Variants in ZCCHC4 observed in about 807,000 individuals in gnomAD.
ZCCHC4 encodes the protein zinc finger CCHC-type containing 4.
In ZCCHC4, 54 loss-of-function variants were observed where a neutral mutation model predicts 67.7. The observed-to-expected ratio is 0.80, with a 90% CI of 0.64 to 1.00. ZCCHC4 has a LOEUF of 1.00. ZCCHC4 is among the 50% of genes least tolerant of loss of function. The pLI is 0.00. For missense variants in ZCCHC4, 609 were observed against 617.0 expected, an observed-to-expected ratio of 0.99 and a Z score of 0.14; for synonymous variants, 198 against 213.5, an observed-to-expected ratio of 0.93 and a Z score of 0.63.
At chr4:25,352,377 G>A (rs1720341837) in intron 8 of ZCCHC4, 3 of 984,826 alleles carry the variant, frequency 3.0e-6, no homozygotes, top group African/African-American at 1.7e-5. Flanking sequence ...CCCTGTTGTC[G>A]CCATCACTGT....
chr4:25,360,009 C>T (rs1368981832), intron 8 of ZCCHC4, among the ~76,000 whole-genome samples: 5 of 152,188 alleles, frequency 3.3e-5, no homozygotes, highest in South Asian at 2.1e-4. Context: ...CCGTCTATCA[C>T]GGACTTGATG....
In ZCCHC4 at chr4:25,312,830, G is replaced by C. The variant is rs778033032; in HGVS notation, c.21G>C (p.Gly7=). The change falls in exon 1 of 13, where the codon GGG becomes GGC. Residue 7 remains glycine (G), a synonymous_variant. Transcript: ENST00000302874. The part of the protein sequence containing the change: MAASRN[G]FEAVEAEGSA... ...GGAAGATGGCGGCCTCCAGGAATGG[G>C]TTTGAAGCCGTGGAGGCAGAGGGCA... The C allele has an allele frequency of 1.2e-6, 2 of 1,613,216 alleles. No homozygotes were observed. Among genetic ancestry groups the C allele is most frequent in the African/African-American group, 2.7e-5 (2 of 74,914 alleles).
At chr4:25,366,005 C>CATTATATGAA (rs57911654) in intron 12 of ZCCHC4, 237,316 of 971,914 alleles carry the variant, frequency 0.24, 32,421 homozygotes, top group African/African-American at 0.55. Context: ...AATTATATGA[C>CATTATATGAA]ATTATATGAA....
intron 5 of ZCCHC4, among the ~76,000 whole-genome samples, chr4:25,344,041 G>T (rs1052626592): frequency 6.6e-6 from 1 of 152,074 alleles, no homozygotes; most frequent in Non-Finnish European, 1.5e-5. Flanking sequence ...AATCAGCAAC[G>T]CAGACATTAA....
intron 3 of ZCCHC4, among the ~76,000 whole-genome samples, chr4:25,322,857 G>T (rs1014080455): frequency 2.0e-5 from 3 of 152,124 alleles, no homozygotes; most frequent in African/African-American, 7.2e-5. Flanking sequence ...TATGGTACCT[G>T]AATTGTATCT....
At chr4:25,361,191 C>T (rs1720720206) in intron 8 of ZCCHC4, among the ~76,000 whole-genome samples, 1 of 152,214 alleles carries the variant, frequency 6.6e-6, no homozygotes, top group Admixed American at 6.5e-5. Flanking sequence ...GAACAAAAAC[C>T]TGGCTTAATG....
chr4:25,314,630 T>C (rs1281189914), intron 2 of ZCCHC4, among the ~76,000 whole-genome samples: 5 of 152,182 alleles, frequency 3.3e-5, no homozygotes, highest in African/African-American at 1.2e-4. Flanking sequence ...AAGCAAGCAC[T>C]GTCTGTCTTA....
In ZCCHC4 at chr4:25,312,833, T is replaced by A; in HGVS notation, c.24T>A (p.Phe8Leu). MAASRNGFEAVEAEGSAG... is the reference protein window; with the variant it reads MAASRNGLEAVEAEGSAG... ...AGATGGCGGCCTCCAGGAATGGGTT[T>A]GAAGCCGTGGAGGCAGAGGGCAGCG... The change falls in exon 1 of 13, where the codon TTT becomes TTA. Residue 8 changes from phenylalanine (F) to leucine (L), a missense_variant. Transcript: ENST00000302874. The A allele has an allele frequency of 6.2e-7, 1 of 1,613,248 alleles. No homozygotes were observed. The highest frequency in any genetic ancestry group is 8.5e-7 in the Non-Finnish European group (1 of 1,180,010).
chr4:25,351,999 TTCA>T, intron 8 of ZCCHC4: 1 of 1,033,514 alleles, frequency 9.7e-7, no homozygotes, highest in Non-Finnish European at 1.2e-6. Context: ...GATTTAGTCT[TTCA>T]TCATCACTAG....
intron 8 of ZCCHC4, among the ~76,000 whole-genome samples, chr4:25,358,405 C>T (rs1720595638): frequency 6.6e-6 from 1 of 152,192 alleles, no homozygotes; most frequent in Admixed American, 6.5e-5. Context: ...GAGCACACAT[C>T]TTCAAAGACT....
intron 3 of ZCCHC4, among the ~76,000 whole-genome samples, chr4:25,330,623 A>G (rs1294011807): frequency 6.6e-6 from 1 of 152,154 alleles, no homozygotes; most frequent in African/African-American, 2.4e-5. Flanking sequence ...CCTTTACAGA[A>G]AGTTTGCTGA....
Position 25,359,519 on chromosome 4 carries a change from A to G in ZCCHC4, c.1012-2340A>G, listed in dbSNP as rs2109090160. Among the ~76,000 whole-genome samples the G allele has an allele frequency of 6.6e-6, 1 of 152,286 alleles. No homozygotes were observed. The highest frequency in any genetic ancestry group is 1.9e-4 in the East Asian group (1 of 5,164). On this transcript the variant is annotated intron_variant, in intron 8 of 12. Transcript: ENST00000302874. The surrounding 1 kb of genome is among the most constrained non-coding windows in gnomAD (Gnocchi z 4.9). ...ACCGCCACCTGGTCTGATACCAAGG[A>G]GGCTGTTGGCGGGATCAAGGGGTCC...
chr4:25,342,223 G>C (rs550433853), intron 5 of ZCCHC4, among the ~76,000 whole-genome samples: 3 of 152,132 alleles, frequency 2.0e-5, no homozygotes, highest in Non-Finnish European at 4.4e-5. Context: ...GCATGACGGA[G>C]TGTGTGGTTG....
intron 5 of ZCCHC4, among the ~76,000 whole-genome samples, chr4:25,335,199 C>G (rs1293848988): frequency 6.6e-6 from 1 of 152,132 alleles, no homozygotes. Context: ...ATAATCCCGG[C>G]ACTTTGGGAG....
chr4:25,327,717 GC>G (rs1718963340), intron 3 of ZCCHC4, among the ~76,000 whole-genome samples: 1 of 152,128 alleles, frequency 6.6e-6, no homozygotes, highest in African/African-American at 2.4e-5. Context: ...CTGGGCTCAA[GC>G]CGTCCTCCTG....
chr4:25,335,819 ACT>A (rs1290152231), intron 5 of ZCCHC4, among the ~76,000 whole-genome samples: 1 of 151,896 alleles, frequency 6.6e-6, no homozygotes, highest in African/African-American at 2.4e-5. Context: ...TTCTGAGTCA[ACT>A]CTAAGTTGTC....
intron 3 of ZCCHC4, among the ~76,000 whole-genome samples, chr4:25,325,025 C>T (rs75852011): frequency 0.077 from 11,732 of 151,740 alleles, 511 homozygotes; most frequent in South Asian, 0.11. Flanking sequence ...GGGTGGATCA[C>T]GAGGTCAGGA....
At chr4:25,318,604 C>A (rs903393363) in intron 3 of ZCCHC4, among the ~76,000 whole-genome samples, 1 of 151,830 alleles carries the variant, frequency 6.6e-6, no homozygotes, top group Non-Finnish European at 1.5e-5. Flanking sequence ...GTCTGCCCAT[C>A]TTGACCTCCC....
intron 2 of ZCCHC4, among the ~76,000 whole-genome samples, chr4:25,314,702 G>A (rs553245335): frequency 4.7e-4 from 71 of 152,232 alleles, no homozygotes; most frequent in African/African-American, 1.3e-3. Context: ...TCTCAAAGGC[G>A]CCTCATTTAA....
Sources: allele counts gnomAD v4.1 joint callset (sites outside exome capture counted in the v4.1 genomes callset), GRCh38; gene constraint gnomAD v4.1.1; non-coding constraint Gnocchi (gnomAD v3.1); transcripts MANE v1.5; gene names NCBI Gene and HGNC (gene_info 2026-07-23, HGNC 2026-07-21).